ATP9A: variants seen among roughly 807,000 people sequenced by gnomAD.
ATP9A encodes probable phospholipid-transporting ATPase IIA.
ATP9A carries 52 observed loss-of-function variants against 144.1 expected under a neutral mutation model. The ratio of observed to expected loss-of-function variants is 0.36; its 90% CI spans 0.29 to 0.45. ATP9A has a LOEUF of 0.45. Ranked by LOEUF, ATP9A falls within the 20% of genes least tolerant of loss-of-function variation. ATP9A has a pLI of 1.00. For missense variants in ATP9A, 947 were observed against 1,392.7 expected, an observed-to-expected ratio of 0.68 and a Z score of 5.09; for synonymous variants, 582 against 557.4, an observed-to-expected ratio of 1.04 and a Z score of -0.62.
intron 3 of ATP9A, among the ~76,000 whole-genome samples, chr20:51,724,952 TG>T (rs1172985676): frequency 6.6e-6 from 1 of 152,200 alleles, no homozygotes; most frequent in East Asian, 1.9e-4. Flanking sequence ...CCGAAGTGTT[TG>T]AGATTGCAGA....
In ATP9A at chr20:51,657,028, C is replaced by T. The variant is rs2077389793; in HGVS notation, c.1416G>A (p.Val472=). ...AIALCHNVTP[V]YESNGVTDQA... is the part of the protein sequence containing the mutation. ...GATCAGTCACACCGTTGGACTCATA[C>T]ACGGGAGTCACGTTGTGGCAGAGCG... The change falls in exon 14 of 28, where the codon GTG becomes GTA. Residue 472 remains valine (V), a synonymous_variant. Transcript: ENST00000338821. 6.2e-7 allele frequency: 1 copy of T among 1,614,216 alleles called. No individual in the cohort carries two copies. Among genetic ancestry groups the T allele is most frequent in the Non-Finnish European group, 8.5e-7 (1 of 1,180,044 alleles).
At chr20:51,722,020 C>T (rs1219134128) in intron 3 of ATP9A, among the ~76,000 whole-genome samples, 1 of 151,960 alleles carries the variant, frequency 6.6e-6, no homozygotes. Context: ...GAATAGAGAA[C>T]CCAGAAATAA....
chr20:51,754,435 G>A (rs577471945), intron 1 of ATP9A, among the ~76,000 whole-genome samples: 59 of 150,550 alleles, frequency 3.9e-4, no homozygotes, highest in Non-Finnish European at 8.1e-4. Context: ...CCCAGGAGGC[G>A]GAGGTTATGG....
chr20:51,736,910 A>G (rs2077765405), intron 1 of ATP9A, among the ~76,000 whole-genome samples: 2 of 152,158 alleles, frequency 1.3e-5, no homozygotes, highest in South Asian at 4.1e-4. Context: ...CAGACTCTCG[A>G]TATGTTATAG....
chr20:51,663,527 G>A (rs1005613658), intron 13 of ATP9A, among the ~76,000 whole-genome samples: 1 of 152,156 alleles, frequency 6.6e-6, no homozygotes, highest in African/African-American at 2.4e-5. Flanking sequence ...AAACTCGGTG[G>A]CTCACACCTG....
intron 13 of ATP9A, among the ~76,000 whole-genome samples, chr20:51,669,675 G>C (rs2077447766): frequency 6.6e-6 from 1 of 152,138 alleles, no homozygotes; most frequent in Admixed American, 6.5e-5. Context: ...CACTTCAGCA[G>C]AGCAGATTAG....
At position 51,600,015 on chromosome 20, in the gene ATP9A, C is replaced by T. The variant is rs749155393; in HGVS notation, c.*1196G>A. ...GAAACATGCCGGCATGTAGTCCATCCTGGGAGGGGAGAAATCTTCACCACT... is the reference window on the plus strand; with the variant it reads ...GAAACATGCCGGCATGTAGTCCATCTTGGGAGGGGAGAAATCTTCACCACT... On this transcript the variant is annotated 3_prime_UTR_variant, in exon 28 of 28. Coordinates refer to ENST00000338821, the MANE Select transcript of ATP9A (RefSeq NM_006045.3). 2.0e-5 allele frequency: 3 copies of T among 152,188 alleles called. No homozygotes were observed. The highest frequency in any genetic ancestry group is 4.4e-5 in the Non-Finnish European group (3 of 68,034). The allele number at this position is 152,188 out of a possible 1,614,324, so 9.4% of individuals were successfully genotyped here. A position where few individuals can be genotyped will look rare whatever the true frequency, so the allele number is the denominator to read the frequency against.
At position 51,625,307 on chromosome 20, in the gene ATP9A, G is replaced by A. The variant is rs867360476; in HGVS notation, c.1901C>T (p.Thr634Met). ...SVHDRSLKVATVIESLEMEME... is the reference protein window; with the variant it reads ...SVHDRSLKVAMVIESLEMEME... ...CTCCATCTCCAGGCTCTCGATCACC[G>A]TGGCCACTTTGAGGGAGCGGTCGTG... is the stretch of plus-strand genomic sequence containing the variant. The change falls in exon 18 of 28, where the codon ACG becomes ATG. Residue 634 changes from threonine (T) to methionine (M), a missense_variant. Transcript: ENST00000338821. 7.4e-6 allele frequency: 12 copies of A among 1,614,196 alleles called. No individual in the cohort carries two copies. Among genetic ancestry groups the A allele is most frequent in the African/African-American group, 4.0e-5 (3 of 75,064 alleles).
At chr20:51,711,713 T>C (rs1601120254) in intron 4 of ATP9A, among the ~76,000 whole-genome samples, 1 of 152,040 alleles carries the variant, frequency 6.6e-6, no homozygotes, top group Non-Finnish European at 1.5e-5. Flanking sequence ...AATGGCTGGG[T>C]TGTTTTGTGG....
intron 2 of ATP9A, among the ~76,000 whole-genome samples, chr20:51,726,682 G>A (rs371641398): frequency 2.0e-5 from 3 of 151,930 alleles, no homozygotes; most frequent in Non-Finnish European, 4.4e-5. Flanking sequence ...GGGCTCAGGC[G>A]ATCCTCCTGT....
At chr20:51,742,281 T>C (rs937370689) in intron 1 of ATP9A, among the ~76,000 whole-genome samples, 2 of 149,108 alleles carry the variant, frequency 1.3e-5, no homozygotes, top group African/African-American at 5.0e-5. Context: ...GCCCTGATCA[T>C]GCCACTGTAC....
intron 1 of ATP9A, among the ~76,000 whole-genome samples, chr20:51,767,302 G>A (rs1282577360): frequency 1.3e-5 from 2 of 152,148 alleles, no homozygotes; most frequent in Non-Finnish European, 2.9e-5. Flanking sequence ...TGCGCGGCCT[G>A]TGGAGCTGCA....
chr20:51,714,111 T>C (rs1186334290), intron 3 of ATP9A, among the ~76,000 whole-genome samples: 2 of 152,046 alleles, frequency 1.3e-5, no homozygotes, highest in African/African-American at 4.8e-5. Flanking sequence ...TTCACCATAT[T>C]GGCCAGGATG....
intron 10 of ATP9A, among the ~76,000 whole-genome samples, chr20:51,675,887 GA>G (rs375688302): frequency 0.01 from 1,061 of 103,428 alleles, 9 homozygotes; most frequent in African/African-American, 0.024. Context: ...CTCAAAAAAA[GA>G]AAAAAAAAAA....
chr20:51,682,575 A>ATTTTT (rs2077504448), intron 9 of ATP9A, among the ~76,000 whole-genome samples: 1 of 32,816 alleles, frequency 3.0e-5, no homozygotes, highest in African/African-American at 8.3e-5. Flanking sequence ...TTTTCACTGT[A>ATTTTT]TCTTTTTTTT....
chr20:51,604,786 C>T (rs759932274), intron 27 of ATP9A, 31 bp downstream of exon 27: 25 of 1,442,544 alleles, frequency 1.7e-5, no homozygotes, highest in East Asian at 2.6e-5. Flanking sequence ...CTGGGGGTGA[C>T]GGACGGGGTT....
chr20:51,607,428 T>G, intron 26 of ATP9A, 99 bp downstream of exon 26: 1 of 1,128,746 alleles, frequency 8.9e-7, no homozygotes, highest in Non-Finnish European at 1.3e-6. Flanking sequence ...TCCTGCTATT[T>G]CAGATTCGTT....
At position 51,622,096 on chromosome 20, in the gene ATP9A, T is replaced by G. The variant is rs756569288; in HGVS notation, c.2093A>C (p.Gln698Pro). ...TACCAGCCGAAAAACGTGGATGTCTTGGTTTCTGGTCACCAGATGTGCATT... is the reference window on the plus strand; with the variant it reads ...TACCAGCCGAAAAACGTGGATGTCTGGGTTTCTGGTCACCAGATGTGCATT... ...AKNAHLVTRN[Q>P]DIHVFRLVTN... The change falls in exon 19 of 28, where the codon CAA (glutamine) becomes CCA (proline). Residue 698 changes from glutamine to proline, a missense_variant. This residue lies in a region of ATP9A where 770 missense variants were observed against 1,047.9 expected (regional missense o/e 0.73). Transcript: ENST00000338821. 6.2e-7 allele frequency: 1 copy of G among 1,614,112 alleles called. No individual in the cohort carries two copies. Among genetic ancestry groups the G allele is most frequent in the Admixed American group, 1.7e-5 (1 of 60,020 alleles).
intron 14 of ATP9A, among the ~76,000 whole-genome samples, chr20:51,644,057 C>A (rs561089609): frequency 2.6e-5 from 4 of 152,110 alleles, no homozygotes; most frequent in Non-Finnish European, 5.9e-5. Flanking sequence ...ATCGCGTGAA[C>A]CCCAGAGGCA....
Sources: allele counts gnomAD v4.1 joint callset (sites outside exome capture counted in the v4.1 genomes callset), GRCh38; gene constraint gnomAD v4.1.1; regional missense constraint gnomAD v4.1.1; transcripts MANE v1.5; gene names NCBI Gene and HGNC (gene_info 2026-07-23, HGNC 2026-07-21).